The following LRP5 variants were observed in gnomAD, a reference collection of about 807,000 sequenced individuals.
LRP5 encodes low-density lipoprotein receptor-related protein 5.
LRP5 carries 62 observed loss-of-function variants against 154.1 expected under a neutral mutation model. The observed-to-expected ratio is 0.40, with a 90% CI of 0.33 to 0.50. The LOEUF (loss-of-function observed/expected upper bound fraction) is 0.50, where lower values mean the gene tolerates loss of function less well. LRP5 is among the 20% of genes least tolerant of loss of function. The probability of loss-of-function intolerance (pLI) is 0.55; values close to 1 mark genes in which losing one functional copy is unlikely to be tolerated. For missense variants in LRP5, 1,915 were observed against 2,336.7 expected, an observed-to-expected ratio of 0.82 and a Z score of 3.72; for synonymous variants, 966 against 1,011.5, an observed-to-expected ratio of 0.96 and a Z score of 0.85.
chr11:68,422,235 A>C (rs2098666218), intron 13 of LRP5, among the ~76,000 whole-genome samples: 1 of 152,220 alleles, frequency 6.6e-6, no homozygotes, highest in African/African-American at 2.4e-5. Context: ...GGTGTGAGCC[A>C]CTGCTGTCTC....
Position 68,348,249 on chromosome 11 carries a change from C to A in LRP5, c.488+6C>A, listed in dbSNP as rs1320389576. 6.2e-7 allele frequency: 1 copy of A among 1,603,412 alleles called. No individual in the cohort carries two copies. The highest frequency in any genetic ancestry group is 8.5e-7 in the Non-Finnish European group (1 of 1,179,980). On this transcript the variant is annotated splice_donor_region_variant and intron_variant, in intron 2 of 22. Coordinates refer to ENST00000294304, the MANE Select transcript of LRP5 (RefSeq NM_002335.4). Reference sequence around the variant, plus strand: ...GCCTTGGACCCCGCTCACGGGTAAACCCTGCTGCGACTCCACCTGGGTCCA... The same window carrying A: ...GCCTTGGACCCCGCTCACGGGTAAAACCTGCTGCGACTCCACCTGGGTCCA...
intron 6 of LRP5, among the ~76,000 whole-genome samples, chr11:68,388,327 T>G (rs2098644158): frequency 6.6e-6 from 1 of 151,928 alleles, no homozygotes; most frequent in Non-Finnish European, 1.5e-5. Context: ...GGTGTCCTCA[T>G]CTGTGAAAAA....
chr11:68,394,264 G>A (rs1347676179), intron 7 of LRP5, among the ~76,000 whole-genome samples: 1 of 152,142 alleles, frequency 6.6e-6, no homozygotes, highest in East Asian at 1.9e-4. Context: ...CAGGTGAAAG[G>A]AAGGAATTCC....
intron 12 of LRP5, 129 bp from the exon 13 acceptor site, chr11:68,416,199 C>T (rs547701187): frequency 1.2e-5 from 9 of 772,698 alleles, no homozygotes; most frequent in South Asian, 8.5e-5. Context: ...CTGGTCCCCC[C>T]GTCTTTCCCG....
At chr11:68,381,997 TG>T (rs770262651) in intron 5 of LRP5, among the ~76,000 whole-genome samples, 1 of 152,210 alleles carries the variant, frequency 6.6e-6, no homozygotes, top group Non-Finnish European at 1.5e-5. Context: ...CCACCACCAC[TG>T]GGGTCACCTC....
chr11:68,432,893 C>T (rs2098672740), intron 17 of LRP5, among the ~76,000 whole-genome samples: 1 of 152,224 alleles, frequency 6.6e-6, no homozygotes, highest in South Asian at 2.1e-4. Context: ...CCCCGAGGGG[C>T]AGGATGGCCT....
At chr11:68,418,266 G>A (rs146302523) in intron 13 of LRP5, among the ~76,000 whole-genome samples, 2,139 of 152,256 alleles carry the variant, frequency 0.014, 66 homozygotes, top group African/African-American at 0.049. Context: ...TTAGCTGGGT[G>A]TGGTGGCACG....
intron 8 of LRP5, chr11:68,404,548 G>T: frequency 4.1e-6 from 2 of 483,512 alleles, no homozygotes; most frequent in Non-Finnish European, 8.2e-6. Flanking sequence ...GAAGCCTGGA[G>T]CTGAGGCAGT....
chr11:68,439,382 C>G (rs1273927333), intron 20 of LRP5, among the ~76,000 whole-genome samples: 1 of 152,200 alleles, frequency 6.6e-6, no homozygotes, highest in Non-Finnish European at 1.5e-5. Flanking sequence ...TAGATGTAAC[C>G]TGATTCTCTC....
the LRP5 span, among the ~76,000 whole-genome samples, chr11:68,303,349 T>G: frequency 6.6e-6 from 1 of 152,110 alleles, no homozygotes; most frequent in African/African-American, 2.4e-5. Flanking sequence ...AATGAGGAAC[T>G]TATTGGGAAC....
intron 13 of LRP5, among the ~76,000 whole-genome samples, chr11:68,419,182 A>T (rs947115742): frequency 6.6e-6 from 1 of 151,888 alleles, no homozygotes; most frequent in African/African-American, 2.4e-5. Flanking sequence ...AATTGTTTTT[A>T]TTTTTTATTG....
intron 2 of LRP5, among the ~76,000 whole-genome samples, chr11:68,355,045 C>T (rs536513074): frequency 6.6e-4 from 100 of 152,300 alleles, no homozygotes; most frequent in African/African-American, 2.2e-3. Flanking sequence ...GTCACAGCCC[C>T]TCTGGAAGGT....
chr11:68,358,106 G>T (rs1591220157), intron 3 of LRP5, among the ~76,000 whole-genome samples: 1 of 145,234 alleles, frequency 6.9e-6, no homozygotes, highest in Middle Eastern at 3.6e-3. Context: ...CCCATGCACA[G>T]TTTTTTTTTT....
At position 68,353,132 on chromosome 11, in the gene LRP5, T is replaced by TG. The variant is rs2098620208; in HGVS notation, c.489-4518_489-4517insG. ...TGCGAGCCAACTGTCCCTGTTTGGC[T>TG]CTGGCTTTTCTTAACTATTTGAAAT... On this transcript the variant is annotated intron_variant, in intron 2 of 22. Coordinates refer to ENST00000294304, the MANE Select transcript of LRP5 (RefSeq NM_002335.4). The surrounding 1 kb of genome is among the most constrained non-coding windows in gnomAD (Gnocchi z 4.5). Among the ~76,000 whole-genome samples, 4 of 152,194 alleles carry TG rather than the reference T, an allele frequency of 2.6e-5. No homozygotes were observed. Among genetic ancestry groups the TG allele is most frequent in the African/African-American group, 9.7e-5 (4 of 41,442 alleles).
rs201285828 is a variant in LRP5, at chr11:68,423,657, C to G, written c.3196C>G (p.Arg1066Gly). ...CATGGGGGTGGTGCTGCGTGGGGAC[C>G]GCGACAAGCCCAGGGCCATCGTCGT... ...EAMGVVLRGD[R>G]DKPRAIVVNA... Residue 1066 changes from arginine to glycine, a missense_variant, in exon 14 of 23, where the codon CGC becomes GGC. Arg to Gly is a moderately radical substitution (Grantham distance 125). Around this residue, in one of 3 missense-constraint regions of LRP5, gnomAD observed 1,094 missense variants for 1,210.1 expected, o/e 0.90. Coordinates refer to ENST00000294304, the MANE Select transcript of LRP5 (RefSeq NM_002335.4). This position sits in a 1 kb window ranked among gnomAD's most constrained non-coding sequence, Gnocchi z 4.7. 1.9e-6 allele frequency: 3 copies of G among 1,613,684 alleles called. No individual in the cohort carries two copies. Among genetic ancestry groups the G allele is most frequent in the African/African-American group, 1.3e-5 (1 of 74,932 alleles).
intron 7 of LRP5, 138 bp downstream of exon 7, chr11:68,390,190 A>G (rs1429287696): frequency 1.7e-5 from 19 of 1,096,336 alleles, no homozygotes; most frequent in Non-Finnish European, 2.3e-5. Context: ...GAAAATAGTT[A>G]CAATACTTTC....
At chr11:68,315,194 T>C (rs2098592319) in intron 1 of LRP5, among the ~76,000 whole-genome samples, 1 of 152,198 alleles carries the variant, frequency 6.6e-6, no homozygotes, top group Admixed American at 6.5e-5. Context: ...CCCGTTCCTC[T>C]CCCAGGCTAT....
intron 13 of LRP5, among the ~76,000 whole-genome samples, chr11:68,419,640 A>G (rs1172283703): frequency 1.3e-5 from 2 of 151,540 alleles, no homozygotes. Context: ...CCCAGGTTCA[A>G]GCGACTCTCC....
intron 5 of LRP5, among the ~76,000 whole-genome samples, chr11:68,370,741 A>G: frequency 6.6e-6 from 1 of 152,352 alleles, no homozygotes; most frequent in East Asian, 1.9e-4. Context: ...ACTGGCACGC[A>G]GGAGAAAAAC....
Sources: gnomAD v4.1 joint callset for allele counts (sites outside exome capture counted in the v4.1 genomes callset) on GRCh38, gnomAD v4.1.1 for gene constraint, gnomAD v4.1.1 regional missense constraint, Gnocchi (gnomAD v3.1) non-coding constraint, MANE v1.5 for transcripts, NCBI Gene and HGNC (gene_info 2026-07-23, HGNC 2026-07-21) for gene names.